The following LPP variants were observed in gnomAD, a reference collection of about 807,000 sequenced individuals.
LPP encodes LIM domain containing preferred translocation partner in lipoma.
A neutral mutation model predicts 60.4 loss-of-function variants in LPP; 38 were observed. The observed-to-expected ratio is 0.63, with a 90% CI of 0.49 to 0.83. The LOEUF is 0.83. LPP is among the 40% of genes least tolerant of loss of function. The probability of loss-of-function intolerance (pLI) is 0.00; values close to 1 mark genes in which losing one functional copy is unlikely to be tolerated. For synonymous variants in LPP, 328 were observed against 290.8 expected, an observed-to-expected ratio of 1.13 and a Z score of -1.30; for missense variants, 902 against 783.6, an observed-to-expected ratio of 1.15 and a Z score of -1.80.
At chr3:188,375,030 A>G (rs1283994180) in intron 3 of LPP, among the ~76,000 whole-genome samples, 1 of 152,120 alleles carries the variant, frequency 6.6e-6, no homozygotes, top group Non-Finnish European at 1.5e-5. Context: ...TGTATGTTGA[A>G]CCAGCCTTGC....
chr3:188,477,331 A>G (rs753138513), intron 4 of LPP, among the ~76,000 whole-genome samples: 1 of 152,220 alleles, frequency 6.6e-6, no homozygotes, highest in Non-Finnish European at 1.5e-5. Context: ...CTGAGACTTT[A>G]ACAGTAGTAG....
intron 1 of LPP, among the ~76,000 whole-genome samples, chr3:188,166,099 A>G (rs1257064043): frequency 1.3e-5 from 2 of 152,208 alleles, no homozygotes; most frequent in Non-Finnish European, 2.9e-5. Context: ...TGTTACCGTG[A>G]AAGTTCAGGC....
intron 8 of LPP, among the ~76,000 whole-genome samples, chr3:188,748,492 A>G (rs1727005314): frequency 6.6e-6 from 1 of 152,230 alleles, no homozygotes; most frequent in African/African-American, 2.4e-5. Context: ...AAAAAAAATA[A>G]TAAACAACAG....
At chr3:188,562,979 A>G (rs1831094130) in intron 6 of LPP, among the ~76,000 whole-genome samples, 1 of 151,944 alleles carries the variant, frequency 6.6e-6, no homozygotes, top group Admixed American at 6.6e-5. Context: ...TGGAGTGCCT[A>G]GCAGTTTGTC....
At chr3:188,629,880 A>G (rs1007459067) in intron 7 of LPP, among the ~76,000 whole-genome samples, 2 of 152,184 alleles carry the variant, frequency 1.3e-5, no homozygotes, top group Non-Finnish European at 2.9e-5. Flanking sequence ...GGACAAAAAC[A>G]GACACATAAA....
intron 1 of LPP, among the ~76,000 whole-genome samples, chr3:188,191,853 G>A (rs1728261827): frequency 6.6e-6 from 1 of 152,124 alleles, no homozygotes; most frequent in Non-Finnish European, 1.5e-5. Flanking sequence ...GATTTTAGTA[G>A]GCAAGTTATC....
chr3:188,311,649 GT>G (rs11361792), intron 2 of LPP, among the ~76,000 whole-genome samples: 112,363 of 150,396 alleles, frequency 0.75, 42,504 homozygotes, highest in East Asian at 0.91. Flanking sequence ...TTTTTTTTCT[GT>G]TTTTTTTCTG....
At chr3:188,753,714 T>G (rs534304689) in intron 8 of LPP, among the ~76,000 whole-genome samples, 1 of 152,210 alleles carries the variant, frequency 6.6e-6, no homozygotes, top group Admixed American at 6.5e-5. Flanking sequence ...CTGTTTTGTG[T>G]CTACCACTCA....
intron 6 of LPP, among the ~76,000 whole-genome samples, chr3:188,594,092 C>T (rs1419462782): frequency 6.6e-6 from 1 of 152,060 alleles, no homozygotes; most frequent in Non-Finnish European, 1.5e-5. Context: ...GAACATGGCC[C>T]CCTTCCTGAG....
Position 188,881,139 on chromosome 3 carries a change from C to CAAAAAAAAAAAAAAAAAAAACAAAAAAA in LPP, c.*6679_*6680insACAAAAAAAAAAAAAAAAAAAAAAAAAA, listed in dbSNP as rs11328247. On this transcript the variant is annotated 3_prime_UTR_variant, in exon 12 of 12. Transcript: ENST00000617246. ...TGGGCGAAAGAGCGAGACTCCGTCT[C>CAAAAAAAAAAAAAAAAAAAACAAAAAAA]AAAAAAAAAAAAAAAAAAATAGGAT... The CAAAAAAAAAAAAAAAAAAAACAAAAAAA allele has an allele frequency of 1.4e-5, 1 of 72,388 alleles. No individual in the cohort carries two copies. The allele number at this position is 72,388 out of a possible 1,614,324, so 4.5% of individuals were successfully genotyped here.
rs75005634 is a variant in LPP at position 188,357,959 on chromosome 3, G to A, written c.-10+16240G>A. 7.0e-3 allele frequency among the ~76,000 whole-genome samples: 1,059 copies of A among 152,188 alleles called. 12 individuals carry two copies. The highest frequency in any genetic ancestry group is 0.024 in the African/African-American group (991 of 41,530). On this transcript the variant is annotated intron_variant, in intron 3 of 11. Coordinates refer to ENST00000617246, the MANE Select transcript of LPP (RefSeq NM_001375462.1). ...GGAGTCACACTTGGCTTATTTATGA[G>A]CTCAATAAACATTATGAATGGATGA...
chr3:188,581,457 G>C (rs553870451), intron 6 of LPP, among the ~76,000 whole-genome samples: 1 of 152,222 alleles, frequency 6.6e-6, no homozygotes, highest in South Asian at 2.1e-4. Context: ...TTGCAATTTA[G>C]TACTGTTTAT....
chr3:188,801,384 A>C (rs970187825), intron 9 of LPP, among the ~76,000 whole-genome samples: 1 of 152,194 alleles, frequency 6.6e-6, no homozygotes, highest in African/African-American at 2.4e-5. Flanking sequence ...TATTATTTAT[A>C]ATAGCTTCAA....
intron 7 of LPP, among the ~76,000 whole-genome samples, chr3:188,611,701 C>T (rs1449929055): frequency 2.6e-5 from 4 of 152,204 alleles, no homozygotes; most frequent in African/African-American, 9.6e-5. Context: ...TGTTATCCCA[C>T]ATAGGAACCA....
At chr3:188,172,192 G>A (rs1721776385) in intron 1 of LPP, among the ~76,000 whole-genome samples, 1 of 152,040 alleles carries the variant, frequency 6.6e-6, no homozygotes, top group Admixed American at 6.6e-5. Context: ...TAGTCCTTTG[G>A]CTATTCCTGG....
At chr3:188,324,799 A>T (rs1410971841) in intron 2 of LPP, among the ~76,000 whole-genome samples, 1 of 152,136 alleles carries the variant, frequency 6.6e-6, no homozygotes, top group African/African-American at 2.4e-5. Context: ...TGGCTGCTGT[A>T]GTATCTGCAG....
At chr3:188,562,405 T>C (rs1439387433) in intron 6 of LPP, 1 of 152,052 alleles carries the variant, frequency 6.6e-6, no homozygotes, top group Non-Finnish European at 1.5e-5. Flanking sequence ...AGATCCTTAT[T>C]TGTTGGACTG....
chr3:188,409,822 A>G (rs989689252), intron 4 of LPP, among the ~76,000 whole-genome samples: 2 of 152,192 alleles, frequency 1.3e-5, no homozygotes, highest in African/African-American at 4.8e-5. Flanking sequence ...AAATCACGCA[A>G]TCCATCTTGT....
Position 188,872,752 on chromosome 3 carries a change from T to C in LPP, c.1699T>C (p.Tyr567His), listed in dbSNP as rs1300366775. Residue 567 changes from tyrosine (Y) to histidine (H), a missense_variant, in exon 11 of 12, where the codon TAC (tyrosine) becomes CAC (histidine). Physicochemically the swap from Tyr to His is moderately conservative, Grantham distance 83. Coordinates refer to ENST00000617246, the MANE Select transcript of LPP (RefSeq NM_001375462.1). Reference protein sequence around the residue: ...ALDRDFHVHCYRCEDCGGLLS... With the variant: ...ALDRDFHVHCHRCEDCGGLLS... Reference sequence around the variant, plus strand: ...GGATCGAGATTTCCATGTTCACTGCTACCGATGCGAGGTCTGGTTGACAGC... The same window carrying C: ...GGATCGAGATTTCCATGTTCACTGCCACCGATGCGAGGTCTGGTTGACAGC... 2 of 1,614,148 alleles carry C rather than the reference T, an allele frequency of 1.2e-6. No individual in the cohort carries two copies. Among genetic ancestry groups the C allele is most frequent in the South Asian group, 2.2e-5 (2 of 91,088 alleles).
Sources: gnomAD v4.1 joint callset for allele counts (sites outside exome capture counted in the v4.1 genomes callset) on GRCh38, gnomAD v4.1.1 for gene constraint, MANE v1.5 for transcripts, NCBI Gene and HGNC (gene_info 2026-07-23, HGNC 2026-07-21) for gene names.